Variants in RGS6 observed in about 807,000 individuals in gnomAD.
RGS6 encodes regulator of G protein signaling 6, also known as regulator of G-protein signaling 6.
In RGS6, 30 loss-of-function variants were observed where a neutral mutation model predicts 78.5. The ratio of observed to expected loss-of-function variants is 0.38; its 90% CI spans 0.29 to 0.52. The LOEUF (loss-of-function observed/expected upper bound fraction) is 0.52. RGS6 is among the 20% of genes least tolerant of loss of function. The pLI is 0.85. For missense variants in RGS6, 495 were observed against 609.7 expected (o/e 0.81, Z 1.98); for synonymous variants, 206 against 206.0 (o/e 1.00, Z 0.00).
chr14:72,267,369 A>G (rs910088825), intron 2 of RGS6, among the ~76,000 whole-genome samples: 1 of 152,234 alleles, frequency 6.6e-6, no homozygotes, highest in African/African-American at 2.4e-5. Context: ...TCTTTGGAAC[A>G]CAGTCATGCT....
rs1447043179 is a variant in RGS6, at chr14:72,395,108, T to A, written c.184+42914T>A. On this transcript the variant is annotated intron_variant, in intron 3 of 17. Coordinates refer to ENST00000553525, the MANE Select transcript of RGS6 (RefSeq NM_001204424.2). ...AGTAACATGATATTCTGGCATCTAC[T>A]TTCATTATCACCTTTATTAAAATAA... 2.0e-5 allele frequency among the ~76,000 whole-genome samples: 3 copies of A among 152,222 alleles called. No homozygotes were observed. The East Asian group carries it at 5.8e-4, about 29-fold the overall frequency.
At chr14:72,251,507 A>G (rs897046168) in intron 2 of RGS6, among the ~76,000 whole-genome samples, 1 of 152,180 alleles carries the variant, frequency 6.6e-6, no homozygotes, top group Non-Finnish European at 1.5e-5. Context: ...ATTTCTTTCA[A>G]TTCAAAAGTG....
At chr14:72,052,521 A>C (rs932706277) in intron 2 of RGS6, among the ~76,000 whole-genome samples, 5 of 152,150 alleles carry the variant, frequency 3.3e-5, no homozygotes, top group Non-Finnish European at 7.3e-5. Context: ...TCCAGATGGT[A>C]GACAAGGCTT....
At chr14:72,186,733 T>C (rs1444271511) in intron 2 of RGS6, among the ~76,000 whole-genome samples, 1 of 152,254 alleles carries the variant, frequency 6.6e-6, no homozygotes, top group East Asian at 1.9e-4. Flanking sequence ...CTTGCAAAAA[T>C]AGCAGGCTTG....
rs1829530468 is a variant in RGS6 at position 72,126,491 on chromosome 14, C to T, written c.84+161616C>T. Among the ~76,000 whole-genome samples the T allele has an allele frequency of 2.0e-5, 3 of 152,376 alleles. No individual in the cohort carries two copies. In the South Asian group the frequency reaches 6.2e-4, roughly 32 times the overall value. ...TCTTACACTTTCTAGAGGGTTCCCT[C>T]TGCTCACATAGAGCCGTTGGTTAAG... On this transcript the variant is annotated intron_variant, in intron 2 of 17. Coordinates refer to ENST00000553525, the MANE Select transcript of RGS6 (RefSeq NM_001204424.2).
At chr14:72,426,615 T>A (rs780569987) in intron 3 of RGS6, among the ~76,000 whole-genome samples, 2 of 152,246 alleles carry the variant, frequency 1.3e-5, no homozygotes, top group Non-Finnish European at 2.9e-5. Context: ...TAAACAGTTT[T>A]AGTCCGAATC....
chr14:72,064,701 G>A (rs1338947106), intron 2 of RGS6, among the ~76,000 whole-genome samples: 1 of 152,204 alleles, frequency 6.6e-6, no homozygotes, highest in Non-Finnish European at 1.5e-5. Context: ...AGATAAAACT[G>A]GAAGATAAAG....
chr14:72,566,509 G>A lies in RGS6; in HGVS notation c.*4042G>A, dbSNP rs1208090553. The A allele has an allele frequency of 6.6e-6, 1 of 152,142 alleles. No homozygotes were observed. Among genetic ancestry groups the A allele is most frequent in the African/African-American group, 2.4e-5 (1 of 41,420 alleles). The allele number at this position is 152,142 out of a possible 1,614,324, so 9.4% of individuals were successfully genotyped here. A position where few individuals can be genotyped will look rare whatever the true frequency, so the allele number is the denominator to read the frequency against. ...ATGCTGGTACAGTCTAAAAATAAAT[G>A]ACTTGAACCCACTTCAATCCAGCTA... is the stretch of plus-strand genomic sequence containing the variant. On this transcript the variant is annotated 3_prime_UTR_variant, in exon 18 of 18. Transcript: ENST00000553525.
At chr14:72,582,945 T>TA in the RGS6 span, among the ~76,000 whole-genome samples, 492 of 142,208 alleles carry the variant, frequency 3.5e-3, 1 homozygote, top group African/African-American at 5.8e-3. Flanking sequence ...GTGGACTGAG[T>TA]AAAAAAAAAA....
intron 3 of RGS6, among the ~76,000 whole-genome samples, chr14:72,449,177 G>A (rs561854135): frequency 7.9e-5 from 12 of 152,290 alleles, no homozygotes; most frequent in African/African-American, 2.9e-4. Flanking sequence ...TTCACTCATG[G>A]CAGGAACCAT....
chr14:72,475,209 T>TC (rs2096208324), intron 10 of RGS6, among the ~76,000 whole-genome samples: 1 of 148,480 alleles, frequency 6.7e-6, no homozygotes, highest in South Asian at 2.2e-4. Context: ...GTTTTTTTTT[T>TC]TTTTTTTTTT....
chr14:72,543,214 C>A (rs996069128), intron 17 of RGS6, among the ~76,000 whole-genome samples: 1 of 152,252 alleles, frequency 6.6e-6, no homozygotes. Flanking sequence ...GAAAACAAGA[C>A]TCCCTCTGGT....
At chr14:72,487,156 T>A (rs2096502824) in intron 12 of RGS6, among the ~76,000 whole-genome samples, 1 of 152,158 alleles carries the variant, frequency 6.6e-6, no homozygotes, top group Non-Finnish European at 1.5e-5. Flanking sequence ...ATAGGACAAA[T>A]GAGGGTGCAT....
At chr14:72,250,399 G>GAAAAAAAAAAAAA (rs58591258) in intron 2 of RGS6, among the ~76,000 whole-genome samples, 1 of 114,288 alleles carries the variant, frequency 8.7e-6, no homozygotes. Context: ...TAAATACACC[G>GAAAAAAAAAAAAA]AAAAAAAAAA....
At chr14:72,364,259 C>CA (rs1376341535) in intron 3 of RGS6, among the ~76,000 whole-genome samples, 1 of 152,132 alleles carries the variant, frequency 6.6e-6, no homozygotes, top group Non-Finnish European at 1.5e-5. Context: ...GGACAGAAGA[C>CA]AAATCTCATG....
chr14:72,161,107 T>TG, intron 2 of RGS6, among the ~76,000 whole-genome samples: 1 of 152,290 alleles, frequency 6.6e-6, no homozygotes. Context: ...TGGATGAAGC[T>TG]GGAAACCATC....
At chr14:72,337,633 A>AG (rs1472108312) in intron 2 of RGS6, among the ~76,000 whole-genome samples, 2 of 152,162 alleles carry the variant, frequency 1.3e-5, no homozygotes, top group East Asian at 3.9e-4. Context: ...GGCTGGGCCC[A>AG]GGGGTTTTCC....
chr14:72,403,569 A>G (rs551262967), intron 3 of RGS6, among the ~76,000 whole-genome samples: 23 of 152,318 alleles, frequency 1.5e-4, no homozygotes, highest in African/African-American at 4.3e-4. Context: ...AAATTTTTGT[A>G]TATTTTCAAA....
At chr14:72,224,392 G>T (rs1480904023) in intron 2 of RGS6, among the ~76,000 whole-genome samples, 1 of 151,978 alleles carries the variant, frequency 6.6e-6, no homozygotes, top group Non-Finnish European at 1.5e-5. Flanking sequence ...ACTCCAGCCT[G>T]GGTGACACAG....
Sources: allele counts gnomAD v4.1 joint callset (sites outside exome capture counted in the v4.1 genomes callset), GRCh38; gene constraint gnomAD v4.1.1; transcripts MANE v1.5; gene names NCBI Gene and HGNC (gene_info 2026-07-23, HGNC 2026-07-21).